JAK2: variants seen among roughly 807,000 people sequenced by gnomAD.
The protein encoded by JAK2 is tyrosine-protein kinase JAK2.
Under a neutral mutation model 139.3 loss-of-function variants are expected in JAK2, and 86 were observed. The ratio of observed to expected loss-of-function variants is 0.62; its 90% CI spans 0.52 to 0.74. The LOEUF (loss-of-function observed/expected upper bound fraction) is 0.74. JAK2 is among the 30% of genes least tolerant of loss of function. JAK2 has a pLI of 0.00. For synonymous variants in JAK2, 490 were observed against 437.7 expected, an observed-to-expected ratio of 1.12 and a Z score of -1.49; for missense variants, 1,421 against 1,360.3, an observed-to-expected ratio of 1.04 and a Z score of -0.70.
intron 2 of JAK2, among the ~76,000 whole-genome samples, chr9:5,003,093 G>A (rs7865605): frequency 0.28 from 41,767 of 151,654 alleles, 5,914 homozygotes; most frequent in Middle Eastern, 0.36. Flanking sequence ...TTGTCTATTT[G>A]TTCATTTTTG....
chr9:5,009,646 GC>G (rs944217814), intron 2 of JAK2, among the ~76,000 whole-genome samples: 72 of 152,040 alleles, frequency 4.7e-4, no homozygotes, highest in African/African-American at 1.6e-3. Flanking sequence ...TACAACCCCT[GC>G]CCCATCCCCA....
chr9:4,990,568 C>T (rs1478954800), intron 2 of JAK2, among the ~76,000 whole-genome samples: 5 of 151,376 alleles, frequency 3.3e-5, no homozygotes, highest in East Asian at 1.9e-4. Flanking sequence ...CCATAATTAG[C>T]GGGTGGGTGA....
chr9:5,078,551 T>C (rs1432336197), intron 16 of JAK2, 107 bp downstream of exon 16: 2 of 782,466 alleles, frequency 2.6e-6, no homozygotes, highest in Admixed American at 2.6e-5. Context: ...TGTATGTTCC[T>C]GATTAATAAT....
At chr9:5,104,764 CAATA>C (rs1821816849) in intron 22 of JAK2, among the ~76,000 whole-genome samples, 3 of 152,188 alleles carry the variant, frequency 2.0e-5, no homozygotes, top group African/African-American at 7.2e-5. Context: ...ATTTGCAAAT[CAATA>C]AACGTAATCC....
intron 2 of JAK2, among the ~76,000 whole-genome samples, chr9:4,993,403 T>C (rs1383752755): frequency 6.6e-6 from 1 of 152,248 alleles, no homozygotes; most frequent in Non-Finnish European, 1.5e-5. Context: ...CTTGAAATTC[T>C]ACTCAAAAAA....
At chr9:5,066,450 T>C (rs1818572371) in intron 9 of JAK2, among the ~76,000 whole-genome samples, 1 of 152,094 alleles carries the variant, frequency 6.6e-6, no homozygotes, top group Non-Finnish European at 1.5e-5. Flanking sequence ...TATAAATACC[T>C]TTTATTGGTT....
chr9:4,993,030 C>T (rs1820348943), intron 2 of JAK2, among the ~76,000 whole-genome samples: 1 of 152,194 alleles, frequency 6.6e-6, no homozygotes, highest in African/African-American at 2.4e-5. Context: ...TGCTTCCTGC[C>T]TGTAGTGCTC....
chr9:5,103,515 G>C (rs1017107940), intron 22 of JAK2, among the ~76,000 whole-genome samples: 2 of 152,098 alleles, frequency 1.3e-5, no homozygotes, highest in African/African-American at 2.4e-5. Context: ...AGATCAATGA[G>C]ACAGAAGGTT....
At chr9:5,051,430 TG>T (rs956370102) in intron 6 of JAK2, among the ~76,000 whole-genome samples, 1 of 152,026 alleles carries the variant, frequency 6.6e-6, no homozygotes, top group East Asian at 1.9e-4. Flanking sequence ...TAGACTCACG[TG>T]GGGGAGCCTG....
At chr9:5,094,013 A>T (rs1192780347) in intron 22 of JAK2, 1 of 152,172 alleles carries the variant, frequency 6.6e-6, no homozygotes, top group Non-Finnish European at 1.5e-5. Flanking sequence ...CACACCCAAG[A>T]ACAGGGTTTC....
intron 8 of JAK2, among the ~76,000 whole-genome samples, chr9:5,062,403 A>AAAC (rs1472306853): frequency 6.6e-6 from 1 of 151,680 alleles, no homozygotes; most frequent in African/African-American, 2.4e-5. Context: ...AAAATTACCA[A>AAAC]AACATGACAC....
At chr9:5,036,416 C>A (rs1171994751) in intron 4 of JAK2, among the ~76,000 whole-genome samples, 1 of 152,096 alleles carries the variant, frequency 6.6e-6, no homozygotes, top group African/African-American at 2.4e-5. Flanking sequence ...CCCACATTGC[C>A]AAGTCAATCC....
chr9:5,031,804 G>A (rs866961411), intron 4 of JAK2, among the ~76,000 whole-genome samples: 1 of 152,222 alleles, frequency 6.6e-6, no homozygotes, highest in African/African-American at 2.4e-5. Context: ...AATAGGAACA[G>A]GTCCAGTCTA....
At chr9:5,114,980 A>G (rs963471343) in intron 22 of JAK2, among the ~76,000 whole-genome samples, 7 of 152,206 alleles carry the variant, frequency 4.6e-5, no homozygotes, top group African/African-American at 1.4e-4. Flanking sequence ...AGGAAAACCT[A>G]GGCAATACCA....
chr9:5,085,248 T>TA (rs1563988380), intron 19 of JAK2: 1 of 676,102 alleles, frequency 1.5e-6, no homozygotes, highest in East Asian at 3.3e-5. Context: ...GACCAGTGGC[T>TA]AACCTGAGAT....
chr9:5,008,097 T>C (rs1821439148), intron 2 of JAK2, among the ~76,000 whole-genome samples: 1 of 152,230 alleles, frequency 6.6e-6, no homozygotes, highest in Non-Finnish European at 1.5e-5. Flanking sequence ...GAAGCTGAGT[T>C]TCACATTTTT....
intron 22 of JAK2, chr9:5,111,996 G>C (rs1220610474): frequency 5.3e-6 from 2 of 374,334 alleles, no homozygotes. Context: ...GGGCCTGGGA[G>C]GGACGTCGCA....
intron 2 of JAK2, among the ~76,000 whole-genome samples, chr9:5,004,918 C>CTTTTTTT (rs557320182): frequency 7.6e-6 from 1 of 131,350 alleles, no homozygotes; most frequent in African/African-American, 2.9e-5. Flanking sequence ...TACATATTGT[C>CTTTTTTT]TTTTTTTTTT....
intron 22 of JAK2, chr9:5,111,240 T>G: frequency 1.8e-6 from 1 of 554,466 alleles, no homozygotes; most frequent in Non-Finnish European, 3.4e-6. Flanking sequence ...CTATTCCTCC[T>G]TTGGTAGAGA....
Sources: gnomAD v4.1 joint callset for allele counts (sites outside exome capture counted in the v4.1 genomes callset) on GRCh38, gnomAD v4.1.1 for gene constraint, MANE v1.5 for transcripts, NCBI Gene and HGNC (gene_info 2026-07-23, HGNC 2026-07-21) for gene names.